The following CHD7 variants were observed in gnomAD, a reference collection of about 807,000 sequenced individuals.
CHD7 encodes ATP-dependent chromatin remodeler CHD7.
In CHD7, 24 loss-of-function variants were observed where a neutral mutation model predicts 307.3. The observed-to-expected ratio is 0.08, with a 90% CI of 0.06 to 0.11. The LOEUF (loss-of-function observed/expected upper bound fraction) is 0.11, where lower values mean the gene tolerates loss of function less well. Ranked by LOEUF, CHD7 falls within the 10% of genes least tolerant of loss-of-function variation. CHD7 has a pLI of 1.00. For missense variants in CHD7, 3,106 were observed against 3,727.1 expected, an observed-to-expected ratio of 0.83 and a Z score of 4.34; for synonymous variants, 1,363 against 1,349.9, an observed-to-expected ratio of 1.01 and a Z score of -0.21.
chr8:60,856,991 G>C, intron 34 of CHD7, 103 bp downstream of exon 34: 1 of 1,009,370 alleles, frequency 9.9e-7, no homozygotes, highest in South Asian at 1.9e-5. Flanking sequence ...AGCATTGTAT[G>C]AAAGCCAGCT....
intron 19 of CHD7, 92 bp from the exon 20 acceptor site, chr8:60,841,552 C>T (rs554665516): frequency 2.1e-6 from 2 of 941,848 alleles, no homozygotes; most frequent in East Asian, 2.5e-5. Flanking sequence ...GAGGAATGCA[C>T]AATATCGGAG....
rs1379605869 is a variant in CHD7, at chr8:60,866,617, CA to C, written c.*688del. On this transcript the variant is annotated 3_prime_UTR_variant, in exon 38 of 38. Coordinates refer to ENST00000423902, the MANE Select transcript of CHD7 (RefSeq NM_017780.4). Reference sequence around the variant, plus strand: ...TGGTCTTGTAATGCACTGGTAAAAACAAAATAAATAGATGAATAAATAAAGA... The same window carrying C: ...TGGTCTTGTAATGCACTGGTAAAAACAAATAAATAGATGAATAAATAAAGA... The C allele has an allele frequency of 6.6e-6, 1 of 152,430 alleles. No homozygotes were observed. Among genetic ancestry groups the C allele is most frequent in the Non-Finnish European group, 1.5e-5 (1 of 67,998 alleles). 9.4% of individuals were successfully genotyped at this position (152,430 alleles called of 1,614,324 possible). A position where few individuals can be genotyped will look rare whatever the true frequency, so the allele number is the denominator to read the frequency against.
At chr8:60,821,615 CATAT>C (rs563637124) in intron 9 of CHD7, among the ~76,000 whole-genome samples, 171 bp from the exon 10 acceptor site, 1 of 149,966 alleles carries the variant, frequency 6.7e-6, no homozygotes, top group Non-Finnish European at 1.5e-5. Flanking sequence ...TATGTATAAA[CATAT>C]ATATACATAT....
chr8:60,768,258 A>G (rs1810564264), intron 2 of CHD7, among the ~76,000 whole-genome samples: 1 of 152,178 alleles, frequency 6.6e-6, no homozygotes, highest in African/African-American at 2.4e-5. Context: ...AGACCCCCAG[A>G]TGGTCTGAGA....
rs1471472425 is a variant in CHD7, at chr8:60,866,035, T to G, written c.*102T>G. ...TCATACCTAGTTTTATAAGCTGTTC[T>G]GTAACATAGTGTAGCAAAAAAAAAA... On this transcript the variant is annotated 3_prime_UTR_variant, in exon 38 of 38. Transcript: ENST00000423902. 9.3e-7 allele frequency: 1 copy of G among 1,076,356 alleles called. No individual in the cohort carries two copies. The highest frequency in any genetic ancestry group is 1.3e-6 in the Non-Finnish European group (1 of 750,004). 66.7% of individuals were successfully genotyped at this position (1,076,356 alleles called of 1,614,324 possible).
intron 1 of CHD7, among the ~76,000 whole-genome samples, chr8:60,689,989 G>A (rs1806114579): frequency 1.3e-5 from 2 of 152,220 alleles, no homozygotes; most frequent in Admixed American, 6.5e-5. Flanking sequence ...ATAGATCACA[G>A]TACTTGTTCC....
At position 60,844,979 on chromosome 8, in the gene CHD7, G is replaced by A; in HGVS notation, c.4966G>A (p.Gly1656Arg). 6.2e-7 allele frequency: 1 copy of A among 1,613,962 alleles called. No individual in the cohort carries two copies. The highest frequency in any genetic ancestry group is 2.2e-5 in the East Asian group (1 of 44,878). ...ILVYCLNHYK[G>R]DENIKSFIWD... ...GGTGTACTGTCTTAATCATTACAAA[G>A]GGGATGAGAATATCAAAAGCTTCAT... is the stretch of plus-strand genomic sequence containing the variant. The change falls in exon 22 of 38, where the codon GGG (glycine) becomes AGG (arginine). Residue 1656 changes from glycine (G) to arginine (R), a missense_variant. Coordinates refer to ENST00000423902, the MANE Select transcript of CHD7 (RefSeq NM_017780.4).
At position 60,865,394 on chromosome 8, in the gene CHD7, C is replaced by T; in HGVS notation, c.8455C>T (p.Pro2819Ser). 3 of 1,613,514 alleles carry T rather than the reference C, an allele frequency of 1.9e-6. No homozygotes were observed. The highest frequency in any genetic ancestry group is 2.5e-6 in the Non-Finnish European group (3 of 1,179,788). Residue 2819 changes from proline to serine, a missense_variant, in exon 38 of 38, where the codon CCT becomes TCT. By Grantham distance (74) the Pro-to-Ser change is moderately conservative (BLOSUM62 -1). Coordinates refer to ENST00000423902, the MANE Select transcript of CHD7 (RefSeq NM_017780.4). The surrounding 1 kb of genome is among the most constrained non-coding windows in gnomAD (Gnocchi z 4.3). The part of the protein sequence containing the change: ...VFGLGGLLNN[P>S]LSAATGNTTT... ...TGGCTTGGGCGGGCTGTTGAATAAC[C>T]CTCTGTCAGCTGCTACTGGAAACAC...
At chr8:60,851,366 C>G (rs1316158795) in intron 28 of CHD7, 47 bp downstream of exon 28, 1 of 1,404,772 alleles carries the variant, frequency 7.1e-7, no homozygotes, top group Non-Finnish European at 9.9e-7. Flanking sequence ...GTGCACTGAG[C>G]AGTCATTGTT....
Position 60,853,076 on chromosome 8 carries a change from C to A in CHD7, c.6351C>A (p.Leu2117=). Residue 2117 remains leucine, a synonymous_variant, in exon 31 of 38, where the codon CTC becomes CTA. Transcript: ENST00000423902. ...TCAGTCGGACGGATTATCACATCCT[C>A]AATGACCCTGAGTTATCCTTCTTGG... ...HGVSRTDYHI[L]NDPELSFLDA... is the part of the protein sequence containing the mutation. The A allele has an allele frequency of 6.2e-7, 1 of 1,613,916 alleles. No individual in the cohort carries two copies. The highest frequency in any genetic ancestry group is 8.5e-7 in the Non-Finnish European group (1 of 1,179,876).
At chr8:60,775,428 A>G (rs188775443) in intron 2 of CHD7, among the ~76,000 whole-genome samples, 2 of 51,922 alleles carry the variant, frequency 3.9e-5, no homozygotes, top group Non-Finnish European at 8.2e-5. Context: ...GTTTCAGTGC[A>G]TTTTATATAA....
At chr8:60,775,503 AAGAC>A (rs1425884615) in intron 2 of CHD7, among the ~76,000 whole-genome samples, 2 of 152,250 alleles carry the variant, frequency 1.3e-5, no homozygotes, top group Non-Finnish European at 2.9e-5. Flanking sequence ...TGTTTTGAGA[AAGAC>A]AGATGGACAG....
intron 3 of CHD7, 59 bp from the exon 4 acceptor site, chr8:60,794,927 T>C (rs1811944757): frequency 3.4e-6 from 5 of 1,477,840 alleles, no homozygotes; most frequent in Non-Finnish European, 4.6e-6. Flanking sequence ...GTGGGAAATA[T>C]AAGAGACATG....
chr8:60,679,980 G>T (rs564007999), intron 1 of CHD7, among the ~76,000 whole-genome samples: 1 of 152,036 alleles, frequency 6.6e-6, no homozygotes, highest in South Asian at 2.1e-4. Flanking sequence ...AAGGGAGCGG[G>T]GCCGGGGCGA....
chr8:60,862,772 A>G (rs1159368400), intron 37 of CHD7, 120 bp downstream of exon 37: 1 of 655,524 alleles, frequency 1.5e-6, no homozygotes, highest in South Asian at 1.9e-5. Context: ...AAGAATTGAC[A>G]TAATACATCA....
At chr8:60,737,445 C>G (rs971948980) in intron 1 of CHD7, among the ~76,000 whole-genome samples, 1 of 152,174 alleles carries the variant, frequency 6.6e-6, no homozygotes, top group Non-Finnish European at 1.5e-5. Context: ...GTTTACTCCT[C>G]TCAGTCTATA....
intron 1 of CHD7, among the ~76,000 whole-genome samples, chr8:60,699,815 G>A (rs1373429494): frequency 6.7e-6 from 1 of 149,554 alleles, no homozygotes; most frequent in African/African-American, 2.4e-5. Flanking sequence ...TTTATTGTTT[G>A]ATAACTTGAT....
chr8:60,799,630 T>C (rs1812200569), intron 4 of CHD7, among the ~76,000 whole-genome samples: 1 of 152,240 alleles, frequency 6.6e-6, no homozygotes, highest in African/African-American at 2.4e-5. Flanking sequence ...ACAATATTTG[T>C]ATAGAACTTT....
chr8:60,743,288 G>A (rs1809151057), intron 2 of CHD7, among the ~76,000 whole-genome samples, 191 bp downstream of exon 2: 1 of 152,270 alleles, frequency 6.6e-6, no homozygotes, highest in Admixed American at 6.5e-5. Flanking sequence ...TGTGCTAGAT[G>A]TTAAGGATAT....
Sources: allele counts gnomAD v4.1 joint callset (sites outside exome capture counted in the v4.1 genomes callset), GRCh38; gene constraint gnomAD v4.1.1; non-coding constraint Gnocchi (gnomAD v3.1); transcripts MANE v1.5; gene names NCBI Gene and HGNC (gene_info 2026-07-23, HGNC 2026-07-21).